The following CTTNBP2 variants were observed in gnomAD, a reference collection of about 807,000 sequenced individuals.
CTTNBP2 encodes cortactin binding protein 2.
A neutral mutation model predicts 156.9 loss-of-function variants in CTTNBP2; 108 were observed. That is an observed-to-expected ratio of 0.69 (90% CI 0.59 to 0.81). The LOEUF is 0.81. Ranked by LOEUF, CTTNBP2 falls within the 30% of genes least tolerant of loss-of-function variation. The pLI is 0.00. For synonymous variants in CTTNBP2, 767 were observed against 751.8 expected, an observed-to-expected ratio of 1.02 and a Z score of -0.33; for missense variants, 1,924 against 2,035.4, an observed-to-expected ratio of 0.95 and a Z score of 1.05.
At chr7:117,869,682 G>T (rs1032854735) in intron 1 of CTTNBP2, among the ~76,000 whole-genome samples, 4 of 152,228 alleles carry the variant, frequency 2.6e-5, no homozygotes, top group African/African-American at 9.6e-5. Flanking sequence ...GAGGACAAAT[G>T]TTCTCTAAAC....
intron 10 of CTTNBP2, chr7:117,758,191 A>C: frequency 1.9e-6 from 1 of 528,456 alleles, no homozygotes; most frequent in Admixed American, 3.6e-5. Flanking sequence ...GACTTCTCCA[A>C]AGCAGCCCAT....
chr7:117,779,888 G>A (rs1452048904), intron 7 of CTTNBP2, among the ~76,000 whole-genome samples: 1 of 152,048 alleles, frequency 6.6e-6, no homozygotes, highest in African/African-American at 2.4e-5. Context: ...AGCCTCCCTA[G>A]TAGCTGGGAT....
intron 2 of CTTNBP2, among the ~76,000 whole-genome samples, chr7:117,823,894 T>A (rs1801121263): frequency 6.6e-6 from 1 of 151,962 alleles, no homozygotes; most frequent in Admixed American, 6.6e-5. Context: ...TTTCACCATG[T>A]TGTCCAGGCT....
intron 8 of CTTNBP2, among the ~76,000 whole-genome samples, chr7:117,773,748 G>T (rs1362589690): frequency 1.3e-5 from 2 of 149,706 alleles, no homozygotes; most frequent in Admixed American, 6.7e-5. Flanking sequence ...AGAAAGCCTG[G>T]TCAGCAAAGT....
At chr7:117,760,019 C>T (rs1584956222) in intron 10 of CTTNBP2, among the ~76,000 whole-genome samples, 1 of 152,322 alleles carries the variant, frequency 6.6e-6, no homozygotes, top group African/African-American at 2.4e-5. Flanking sequence ...TCTTTCAAGT[C>T]TAGACTTCAT....
chr7:117,786,291 T>C, intron 4 of CTTNBP2: 1 of 300,182 alleles, frequency 3.3e-6, no homozygotes, highest in Non-Finnish European at 6.7e-6. Flanking sequence ...ATTAAAATGC[T>C]CATAAAATTC....
At chr7:117,794,735 T>TAATCAGGAA (rs1447557474) in intron 3 of CTTNBP2, among the ~76,000 whole-genome samples, 1 of 152,204 alleles carries the variant, frequency 6.6e-6, no homozygotes, top group Non-Finnish European at 1.5e-5. Context: ...CATAAATAGA[T>TAATCAGGAA]AATCAGGAAT....
rs563563187 is a variant in CTTNBP2 at position 117,783,206 on chromosome 7, C to T, written c.2273-245G>A. Among the ~76,000 whole-genome samples, 73 of 152,118 alleles carry T rather than the reference C, an allele frequency of 4.8e-4. No individual in the cohort carries two copies. The Middle Eastern group carries it at 0.01, about 21-fold the overall frequency. ...GTGTGTGTGTGTGCATGCGCATGTG[C>T]CCATGCGTGTGTGCATTTTGGGAAG... On this transcript the variant is annotated intron_variant, in intron 5 of 22. Transcript: ENST00000160373.
At chr7:117,858,707 C>T (rs1409221626) in intron 2 of CTTNBP2, among the ~76,000 whole-genome samples, 4 of 152,202 alleles carry the variant, frequency 2.6e-5, no homozygotes, top group African/African-American at 7.2e-5. Context: ...AAATATCTCT[C>T]TGTTCATTCC....
intron 22 of CTTNBP2, among the ~76,000 whole-genome samples, chr7:117,717,413 C>T (rs990649105): frequency 1.3e-5 from 2 of 151,112 alleles, no homozygotes; most frequent in East Asian, 2.1e-4. Flanking sequence ...ATGCAGGAAA[C>T]CTTAGGAACA....
At chr7:117,872,782 G>A (rs527959677) in intron 1 of CTTNBP2, among the ~76,000 whole-genome samples, 10 of 152,246 alleles carry the variant, frequency 6.6e-5, no homozygotes, top group Non-Finnish European at 1.0e-4. Flanking sequence ...CCCACATCTG[G>A]ACACGGCCCT....
At chr7:117,763,807 G>A (rs752999664) in intron 9 of CTTNBP2, among the ~76,000 whole-genome samples, 1 of 151,968 alleles carries the variant, frequency 6.6e-6, no homozygotes, top group Non-Finnish European at 1.5e-5. Flanking sequence ...CTGGGCTCAA[G>A]CAATCCTCCT....
chr7:117,715,475 T>TAAAAAAAAAAAAAAAAAAAAAAAAAAAA (rs398048025), intron 22 of CTTNBP2, among the ~76,000 whole-genome samples: 1 of 116,392 alleles, frequency 8.6e-6, no homozygotes, highest in African/African-American at 3.9e-5. Context: ...GCCCTGAAGT[T>TAAAAAAAAAAAAAAAAAAAAAAAAAAAA]AAAAAAAAAA....
Position 117,792,724 on chromosome 7 carries a change from C to T in CTTNBP2, c.472G>A (p.Ala158Thr), listed in dbSNP as rs748643139. 1.2e-6 allele frequency: 2 copies of T among 1,608,616 alleles called. No homozygotes were observed. The highest frequency in any genetic ancestry group is 1.7e-6 in the Non-Finnish European group (2 of 1,177,272). The change falls in exon 4 of 23, where the codon GCC becomes ACC. Residue 158 changes from alanine to threonine, a missense_variant. Transcript: ENST00000160373. The surrounding 1 kb of genome is among the most constrained non-coding windows in gnomAD (Gnocchi z 4.2). ...TTGCCACGCTCTTCCTCAAGGCGGGCAGCCAGCTTCTTGTGCTCTTGCTCA... is the reference window on the plus strand; with the variant it reads ...TTGCCACGCTCTTCCTCAAGGCGGGTAGCCAGCTTCTTGTGCTCTTGCTCA... ...ALEQEHKKLAARLEEERGKNK... is the reference protein window; with the variant it reads ...ALEQEHKKLATRLEEERGKNK...
intron 1 of CTTNBP2, among the ~76,000 whole-genome samples, chr7:117,873,020 C>T (rs1584601273): frequency 1.3e-5 from 2 of 152,086 alleles, no homozygotes; most frequent in Admixed American, 1.3e-4. Flanking sequence ...CAGAAGCGAC[C>T]GCAGCGGAGG....
intron 3 of CTTNBP2, 67 bp downstream of exon 3, chr7:117,810,698 C>G (rs1800221689): frequency 1.6e-6 from 2 of 1,287,814 alleles, no homozygotes; most frequent in Admixed American, 3.4e-5. Context: ...GAACAAACAA[C>G]TTTGGAGGTG....
chr7:117,792,908 A>G lies in CTTNBP2; in HGVS notation c.415-127T>C. 3 of 578,942 alleles carry G rather than the reference A, an allele frequency of 5.2e-6. No homozygotes were observed. Among genetic ancestry groups the G allele is most frequent in the Non-Finnish European group, 8.2e-6 (3 of 365,214 alleles). 35.9% of individuals were successfully genotyped at this position (578,942 alleles called of 1,614,324 possible). On this transcript the variant is annotated intron_variant, in intron 3 of 22. Coordinates refer to ENST00000160373, the MANE Select transcript of CTTNBP2 (RefSeq NM_033427.3). The surrounding 1 kb of genome is among the most constrained non-coding windows in gnomAD (Gnocchi z 4.2). ...TAACTCGGGTTAGCAAAAACGCCAC[A>G]TTTTCAAAAAGTGTTGTGATAAGAA...
chr7:117,771,099 T>C (rs750960233), intron 8 of CTTNBP2, among the ~76,000 whole-genome samples: 25 of 152,102 alleles, frequency 1.6e-4, no homozygotes, highest in Non-Finnish European at 3.2e-4. Flanking sequence ...TGGGTGCCCA[T>C]GGGTCCAGCT....
intron 11 of CTTNBP2, 55 bp downstream of exon 11, chr7:117,757,820 G>T: frequency 8.4e-7 from 1 of 1,191,940 alleles, no homozygotes; most frequent in Non-Finnish European, 1.2e-6. Flanking sequence ...GGTGCTCTGA[G>T]GCAGCCATGA....
Sources: allele counts gnomAD v4.1 joint callset (sites outside exome capture counted in the v4.1 genomes callset), GRCh38; gene constraint gnomAD v4.1.1; non-coding constraint Gnocchi (gnomAD v3.1); transcripts MANE v1.5; gene names NCBI Gene and HGNC (gene_info 2026-07-23, HGNC 2026-07-21).